MTMR1: variants seen among roughly 807,000 people sequenced by gnomAD.
MTMR1 encodes the protein phosphatidylinositol-3-phosphate phosphatase MTMR1.
In MTMR1, 17 loss-of-function variants were observed where a neutral mutation model predicts 51.6. The ratio of observed to expected loss-of-function variants is 0.33; its 90% CI spans 0.23 to 0.49. The LOEUF is 0.49. Ranked by LOEUF, MTMR1 falls within the 20% of genes least tolerant of loss-of-function variation. MTMR1 has a pLI of 0.99. For missense variants in MTMR1, 386 were observed against 526.9 expected (o/e 0.73, Z 2.62); for synonymous variants, 201 against 205.6 (o/e 0.98, Z 0.19).
chrX:150,733,261 C>T (rs782115868), intron 10 of MTMR1, among the ~76,000 whole-genome samples: 1 of 111,722 alleles, frequency 9.0e-6, no homozygotes, highest in East Asian at 2.8e-4. Context: ...CGCTCTTCAG[C>T]CTGGCCTTCT....
intron 4 of MTMR1, among the ~76,000 whole-genome samples, chrX:150,723,816 A>G (rs1046128618): frequency 9.0e-6 from 1 of 111,585 alleles, no homozygotes; most frequent in Non-Finnish European, 1.9e-5. Context: ...TCCCACTTAT[A>G]AGTGAGAACC....
chrX:150,748,703 G>A (rs1302747554), intron 13 of MTMR1, among the ~76,000 whole-genome samples: 1 of 110,432 alleles, frequency 9.1e-6, no homozygotes, highest in East Asian at 2.8e-4. Context: ...CTGGGTTGTG[G>A]CAGTAGTCCC....
intron 4 of MTMR1, among the ~76,000 whole-genome samples, chrX:150,722,265 G>A (rs967924642): frequency 9.0e-6 from 1 of 111,684 alleles, no homozygotes; most frequent in Non-Finnish European, 1.9e-5. Flanking sequence ...AGATTTTGTC[G>A]ATCTGTATTC....
chrX:150,730,741 G>A (rs2042092098), intron 8 of MTMR1, 133 bp downstream of exon 8: 3 of 320,399 alleles, frequency 9.4e-6, no homozygotes, highest in Non-Finnish European at 1.7e-5. Flanking sequence ...CTAGCTTATA[G>A]GTTCTCCATC....
chrX:150,735,642 T>TA (rs1156874440), intron 10 of MTMR1: 7 of 349,644 alleles, frequency 2.0e-5, no homozygotes, highest in Non-Finnish European at 3.5e-5. Flanking sequence ...TCTTCTTTTT[T>TA]AAAAAAAACT....
At chrX:150,696,172 G>C (rs111671827) in intron 1 of MTMR1, among the ~76,000 whole-genome samples, 1,806 of 111,313 alleles carry the variant, frequency 0.016, 48 homozygotes, top group African/African-American at 0.056. Context: ...ACAGAGCTGG[G>C]AGCCTCCAGC....
At chrX:150,707,608 C>T (rs971766413) in intron 2 of MTMR1, among the ~76,000 whole-genome samples, 41 of 112,193 alleles carry the variant, frequency 3.7e-4, no homozygotes, top group Admixed American at 3.3e-3. Context: ...CCAGATTATT[C>T]ACTGATTGCT....
intron 15 of MTMR1, among the ~76,000 whole-genome samples, chrX:150,758,044 C>T (rs1044925209): frequency 1.9e-4 from 21 of 111,468 alleles, no homozygotes; most frequent in Non-Finnish European, 3.0e-4. Context: ...TGGCAACTAA[C>T]GGAGACTCGA....
chrX:150,740,826 T>C (rs2042402759), intron 12 of MTMR1, among the ~76,000 whole-genome samples: 2 of 110,299 alleles, frequency 1.8e-5, no homozygotes, highest in Non-Finnish European at 3.8e-5. Context: ...TGTGTAGAGA[T>C]CACATGGTGA....
intron 2 of MTMR1, among the ~76,000 whole-genome samples, chrX:150,703,803 A>G (rs1414156437): frequency 8.9e-6 from 1 of 112,014 alleles, no homozygotes; most frequent in Non-Finnish European, 1.9e-5. Context: ...TTCATGGAAC[A>G]GTTCACAAAT....
intron 10 of MTMR1, 146 bp downstream of exon 10, chrX:150,732,876 G>A: frequency 3.7e-6 from 2 of 534,386 alleles, no homozygotes; most frequent in Admixed American, 4.6e-5. Flanking sequence ...CCTGGTGTAT[G>A]CTCCTTGGGC....
At chrX:150,728,615 T>C (rs1879730910) in intron 6 of MTMR1, among the ~76,000 whole-genome samples, 1 of 111,433 alleles carries the variant, frequency 9.0e-6, no homozygotes, top group African/African-American at 3.3e-5. Context: ...TAAGTAGAAA[T>C]GTGTGTGATA....
At position 150,732,730 on chromosome X, in the gene MTMR1, G is replaced by A; in HGVS notation, c.1080G>A (p.Lys360=). ...AAAACAGTGTCGCTGATACCAACAA[G>A]GTATATTCTTAATAGCACTGCAGAA... ...ARQNSVADTN[K]TKGGGYESES... The change falls in exon 10 of 16, where the codon AAG becomes AAA. Residue 360 remains lysine, a splice_region_variant and synonymous_variant. Transcript: ENST00000445323. The A allele has an allele frequency of 8.4e-7, 1 of 1,189,117 alleles. No individual in the cohort carries two copies. The highest frequency in any genetic ancestry group is 1.1e-6 in the Non-Finnish European group (1 of 881,315).
At chrX:150,723,403 A>C (rs1394632546) in intron 4 of MTMR1, among the ~76,000 whole-genome samples, 1 of 110,015 alleles carries the variant, frequency 9.1e-6, no homozygotes, top group African/African-American at 3.3e-5. Context: ...TGGTATTTCT[A>C]GTTCTAGATC....
chrX:150,713,597 T>G (rs1439104744), intron 3 of MTMR1, among the ~76,000 whole-genome samples: 3 of 111,735 alleles, frequency 2.7e-5, no homozygotes, highest in African/African-American at 9.7e-5. Flanking sequence ...ATTTTAATAT[T>G]TTTAGCCTCG....
chrX:150,722,651 G>C (rs1278552436), intron 4 of MTMR1, among the ~76,000 whole-genome samples: 1 of 110,548 alleles, frequency 9.0e-6, no homozygotes. Context: ...CATATAGTTG[G>C]TTCTTTCTTT....
chrX:150,730,680 G>T (rs1190472536), intron 8 of MTMR1, 72 bp downstream of exon 8: 15 of 649,328 alleles, frequency 2.3e-5, no homozygotes, highest in Non-Finnish European at 3.1e-5. Context: ...GGTTAGAAAT[G>T]ATGTGGTGGA....
Position 150,712,323 on chromosome X carries a change from T to A in MTMR1, c.253-19T>A. On this transcript the variant is annotated intron_variant, in intron 2 of 15. Coordinates refer to ENST00000445323, the MANE Select transcript of MTMR1 (RefSeq NM_001306144.3). ...AGTAACATGTCCATGATGATGATAT[T>A]CTGTATTTTAACTAACAGGTTTTCA... The A allele has an allele frequency of 4.3e-6, 5 of 1,161,871 alleles. No homozygotes were observed. The highest frequency in any genetic ancestry group is 4.6e-6 in the Non-Finnish European group (4 of 868,973).
intron 2 of MTMR1, among the ~76,000 whole-genome samples, chrX:150,703,041 A>C (rs1322111680): frequency 4.4e-5 from 5 of 112,599 alleles, no homozygotes; most frequent in Non-Finnish European, 9.4e-5. Context: ...AACAAATGGT[A>C]AAAAATTTCT....
Sources: gnomAD v4.1 joint callset for allele counts (sites outside exome capture counted in the v4.1 genomes callset) on GRCh38, gnomAD v4.1.1 for gene constraint, MANE v1.5 for transcripts, NCBI Gene and HGNC (gene_info 2026-07-23, HGNC 2026-07-21) for gene names.